The following RANBP17 variants were observed in gnomAD, a reference collection of about 807,000 sequenced individuals.
RANBP17 encodes the protein RAN binding protein 17.
In RANBP17, 158 loss-of-function variants were observed where a neutral mutation model predicts 141.2. The observed-to-expected ratio is 1.12, with a 90% confidence interval of 0.98 to 1.28. The LOEUF (loss-of-function observed/expected upper bound fraction) is 1.28, where lower values mean the gene tolerates loss of function less well. Ranked by LOEUF, RANBP17 falls within the 50% of genes most tolerant of loss-of-function variation. The pLI is 0.00. For synonymous variants in RANBP17, 430 were observed against 450.0 expected (o/e 0.96, Z 0.56); for missense variants, 1,438 against 1,290.7 (o/e 1.11, Z -1.75).
At chr5:171,282,315 C>A (rs1767907093) in intron 25 of RANBP17, among the ~76,000 whole-genome samples, 1 of 152,224 alleles carries the variant, frequency 6.6e-6, no homozygotes. Flanking sequence ...GAAGTAATGT[C>A]AGTGCCATTT....
At chr5:170,955,924 ATAT>A (rs1581234485) in intron 13 of RANBP17, among the ~76,000 whole-genome samples, 1 of 150,240 alleles carries the variant, frequency 6.7e-6, no homozygotes, top group East Asian at 1.9e-4. Context: ...CTGGCTTTAA[ATAT>A]TATGTATTCA....
Position 171,241,011 on chromosome 5 carries a change from G to C in RANBP17, c.2506G>C (p.Ala836Pro), listed in dbSNP as rs1390933775. ...KLKGISICYSALKSALCGNYV... is the reference protein window; with the variant it reads ...KLKGISICYSPLKSALCGNYV... ...CAAGGGCATCTCCATCTGCTATTCAGCTCTCAAGTCTGCCTTGTGTGGAAA... is the reference window on the plus strand; with the variant it reads ...CAAGGGCATCTCCATCTGCTATTCACCTCTCAAGTCTGCCTTGTGTGGAAA... The change falls in exon 23 of 28, where the codon GCT (alanine) becomes CCT (proline). Residue 836 changes from alanine (A) to proline (P), a missense_variant. Physicochemically the swap from Ala to Pro is conservative, Grantham distance 27. Transcript: ENST00000523189. 6.2e-7 allele frequency: 1 copy of C among 1,613,844 alleles called. No homozygotes were observed. Among genetic ancestry groups the C allele is most frequent in the East Asian group, 2.2e-5 (1 of 44,864 alleles).
chr5:171,121,438 G>A lies in RANBP17; in HGVS notation c.1711-48692G>A, dbSNP rs138689548. Among the ~76,000 whole-genome samples, 1,241 of 152,334 alleles carry A rather than the reference G, an allele frequency of 8.1e-3. 13 individuals carry two copies. Among genetic ancestry groups the A allele is most frequent in the African/African-American group, 0.026 (1,098 of 41,570 alleles). On this transcript the variant is annotated intron_variant, in intron 14 of 27. Transcript: ENST00000523189. ...CAGGACCTGTTGCAGGCACAGGGCCGTCGCGCAGGTCAGGAACTTATCTGC... is the reference window on the plus strand; with the variant it reads ...CAGGACCTGTTGCAGGCACAGGGCCATCGCGCAGGTCAGGAACTTATCTGC...
chr5:171,281,585 C>T (rs1767867208), intron 25 of RANBP17, among the ~76,000 whole-genome samples: 1 of 152,120 alleles, frequency 6.6e-6, no homozygotes, highest in East Asian at 1.9e-4. Flanking sequence ...ACCAATGGTG[C>T]TTGACACACA....
chr5:171,090,623 G>A (rs951933014), intron 14 of RANBP17, among the ~76,000 whole-genome samples: 2 of 151,554 alleles, frequency 1.3e-5, no homozygotes, highest in African/African-American at 4.8e-5. Flanking sequence ...CTTTGCAGCA[G>A]CTGCTCTCAT....
intron 2 of RANBP17, among the ~76,000 whole-genome samples, chr5:170,881,207 G>A (rs936004092): frequency 6.6e-6 from 1 of 152,212 alleles, no homozygotes; most frequent in Non-Finnish European, 1.5e-5. Flanking sequence ...GCCATAGTTT[G>A]CCAGCCTCTG....
chr5:171,141,097 T>A (rs938260365), intron 14 of RANBP17, among the ~76,000 whole-genome samples: 2 of 152,086 alleles, frequency 1.3e-5, no homozygotes, highest in African/African-American at 4.8e-5. Context: ...AAGAAACATT[T>A]GCAGAATCCC....
At chr5:171,077,784 T>C (rs565393435) in intron 14 of RANBP17, among the ~76,000 whole-genome samples, 30 of 152,326 alleles carry the variant, frequency 2.0e-4, no homozygotes, top group Middle Eastern at 3.4e-3. Context: ...AACATACAAA[T>C]GATAAGTGAA....
intron 14 of RANBP17, among the ~76,000 whole-genome samples, chr5:171,095,422 CT>C: frequency 6.6e-6 from 1 of 152,210 alleles, no homozygotes; most frequent in East Asian, 1.9e-4. Context: ...TGTTGTCAGT[CT>C]TTTCTATTTT....
intron 12 of RANBP17, among the ~76,000 whole-genome samples, chr5:170,942,251 TGCCTG>T (rs1774383871): frequency 6.6e-6 from 1 of 152,142 alleles, no homozygotes. Flanking sequence ...ATGCAACCTG[TGCCTG>T]GCACCAAAAA....
chr5:170,915,783 G>A lies in RANBP17; in HGVS notation c.835-682G>A, dbSNP rs376380601. On this transcript the variant is annotated intron_variant, in intron 8 of 27. Coordinates refer to ENST00000523189, the MANE Select transcript of RANBP17 (RefSeq NM_022897.5). ...CCAACAGGATACCACGGTACATAAT[G>A]TGCACTATTTCCCAAACATACTGTA... Among the ~76,000 whole-genome samples, 7 of 151,834 alleles carry A rather than the reference G, an allele frequency of 4.6e-5. No individual in the cohort carries two copies. In the East Asian group the frequency reaches 5.8e-4, roughly 13 times the overall value.
At chr5:171,233,524 C>T (rs867409072) in intron 22 of RANBP17, among the ~76,000 whole-genome samples, 25 of 151,926 alleles carry the variant, frequency 1.6e-4, no homozygotes, top group African/African-American at 6.1e-4. Flanking sequence ...AAATAAACAA[C>T]AGTACACCCA....
At chr5:171,031,689 T>A (rs925747316) in intron 14 of RANBP17, among the ~76,000 whole-genome samples, 18 of 152,140 alleles carry the variant, frequency 1.2e-4, no homozygotes, top group South Asian at 6.2e-4. Flanking sequence ...AGAAGCTCTT[T>A]AAATGCATCC....
chr5:171,151,061 C>T (rs945328790), intron 14 of RANBP17, among the ~76,000 whole-genome samples: 1 of 152,122 alleles, frequency 6.6e-6, no homozygotes, highest in Non-Finnish European at 1.5e-5. Context: ...CTACTGGGGC[C>T]TCTAGTAACC....
At chr5:171,247,785 G>T (rs1385915603) in intron 24 of RANBP17, among the ~76,000 whole-genome samples, 1 of 152,128 alleles carries the variant, frequency 6.6e-6, no homozygotes, top group Non-Finnish European at 1.5e-5. Context: ...AACCTTGGCA[G>T]TACTGAAGGG....
intron 14 of RANBP17, among the ~76,000 whole-genome samples, chr5:171,037,935 T>A (rs201401990): frequency 6.6e-6 from 1 of 152,118 alleles, no homozygotes; most frequent in South Asian, 2.1e-4. Flanking sequence ...AATTTTAGAA[T>A]AGTTTTTTTT....
chr5:170,921,614 A>G (rs1022797441), intron 11 of RANBP17, among the ~76,000 whole-genome samples: 8 of 152,210 alleles, frequency 5.3e-5, no homozygotes, highest in Middle Eastern at 3.4e-3. Context: ...GCTTTTTCCA[A>G]TTCTGCGAAG....
intron 12 of RANBP17, among the ~76,000 whole-genome samples, chr5:170,949,662 G>A (rs1180775735): frequency 6.6e-6 from 1 of 152,148 alleles, no homozygotes; most frequent in African/African-American, 2.4e-5. Flanking sequence ...AAACATTATG[G>A]CAGTTCCTCA....
chr5:171,193,301 T>C (rs1282326265), intron 18 of RANBP17, among the ~76,000 whole-genome samples: 1 of 152,194 alleles, frequency 6.6e-6, no homozygotes, highest in Non-Finnish European at 1.5e-5. Flanking sequence ...TTGCAGTGAT[T>C]AGAAAGGGGG....
Sources: allele counts gnomAD v4.1 joint callset (sites outside exome capture counted in the v4.1 genomes callset), GRCh38; gene constraint gnomAD v4.1.1; transcripts MANE v1.5; gene names NCBI Gene and HGNC (gene_info 2026-07-23, HGNC 2026-07-21).